Variants in NDUFS4 observed in about 807,000 individuals in gnomAD.
NDUFS4 encodes NADH:ubiquinone oxidoreductase subunit S4.
Under a neutral mutation model 24.3 loss-of-function variants are expected in NDUFS4, and 28 were observed. The observed-to-expected ratio is 1.15, with a 90% CI of 0.85 to 1.58. NDUFS4 has a LOEUF of 1.58. Among genes scored for constraint, NDUFS4 ranks in the 40% most tolerant of loss-of-function variants. The pLI, the probability that NDUFS4 is intolerant of heterozygous loss-of-function variation, is 0.00. For synonymous variants in NDUFS4, 93 were observed against 69.7 expected (o/e 1.34, Z -1.67); for missense variants, 223 against 207.9 (o/e 1.07, Z -0.45).
At chr5:53,571,255 G>A (rs2112414438) in intron 1 of NDUFS4, among the ~76,000 whole-genome samples, 1 of 152,126 alleles carries the variant, frequency 6.6e-6, no homozygotes, top group African/African-American at 2.4e-5. Context: ...CTACAGATTT[G>A]CCTATTCTGG....
chr5:53,572,327 A>T (rs1277953452), intron 1 of NDUFS4, among the ~76,000 whole-genome samples: 1 of 152,152 alleles, frequency 6.6e-6, no homozygotes, highest in East Asian at 1.9e-4. Context: ...TAGATTTTAT[A>T]ACCTACTTCA....
chr5:53,621,901 C>T (rs1478092587), intron 2 of NDUFS4, among the ~76,000 whole-genome samples: 5 of 151,612 alleles, frequency 3.3e-5, no homozygotes, highest in South Asian at 2.1e-4. Context: ...GGGGTTTCAC[C>T]GTGTTAGCCA....
At chr5:53,671,339 G>A (rs1740233126) in intron 4 of NDUFS4, among the ~76,000 whole-genome samples, 1 of 152,010 alleles carries the variant, frequency 6.6e-6, no homozygotes, top group African/African-American at 2.4e-5. Context: ...TGGAAGGCTG[G>A]TGTTCTGAAA....
intron 1 of NDUFS4, among the ~76,000 whole-genome samples, chr5:53,601,550 A>G (rs549098556): frequency 4.0e-4 from 61 of 152,314 alleles, no homozygotes; most frequent in African/African-American, 1.4e-3. Context: ...AATCTACCTA[A>G]TAATTTGCAC....
At chr5:53,578,140 A>T (rs757059539) in intron 1 of NDUFS4, among the ~76,000 whole-genome samples, 26 of 152,214 alleles carry the variant, frequency 1.7e-4, no homozygotes, top group Non-Finnish European at 1.5e-5. Flanking sequence ...TGGATACAAC[A>T]TGCATCTGAG....
At chr5:53,614,667 G>A (rs1750792579) in intron 2 of NDUFS4, among the ~76,000 whole-genome samples, 1 of 151,952 alleles carries the variant, frequency 6.6e-6, no homozygotes. Flanking sequence ...TAGACCTGTA[G>A]TATGCTAGTG....
chr5:53,681,014 A>G (rs1740647106), intron 4 of NDUFS4, among the ~76,000 whole-genome samples: 1 of 152,084 alleles, frequency 6.6e-6, no homozygotes. Context: ...CCTAGGTTAG[A>G]TTATAGCTAG....
chr5:53,616,111 G>T (rs1750830014), intron 2 of NDUFS4, among the ~76,000 whole-genome samples: 1 of 151,728 alleles, frequency 6.6e-6, no homozygotes, highest in African/African-American at 2.4e-5. Context: ...AGATCTAGTA[G>T]TTTTCATCTA....
intron 1 of NDUFS4, among the ~76,000 whole-genome samples, chr5:53,565,947 G>T (rs959281132): frequency 2.0e-5 from 3 of 152,182 alleles, no homozygotes; most frequent in Non-Finnish European, 4.4e-5. Context: ...GCCAAGGCGG[G>T]TGGATCATGA....
chr5:53,646,537 A>G, intron 3 of NDUFS4, 132 bp downstream of exon 3: 1 of 889,566 alleles, frequency 1.1e-6, no homozygotes, highest in Non-Finnish European at 1.8e-6. Context: ...GTTAAGTACC[A>G]CTGTGCTCAA....
intron 1 of NDUFS4, among the ~76,000 whole-genome samples, chr5:53,582,586 G>A (rs185949805): frequency 6.6e-6 from 1 of 152,310 alleles, no homozygotes; most frequent in African/African-American, 2.4e-5. Flanking sequence ...CCCTGGCCGG[G>A]AATTAATTTC....
At chr5:53,605,307 CTA>C (rs1453011578) in intron 2 of NDUFS4, among the ~76,000 whole-genome samples, 1 of 152,166 alleles carries the variant, frequency 6.6e-6, no homozygotes, top group African/African-American at 2.4e-5. Flanking sequence ...AATGAGAGCA[CTA>C]TTATTTTAAT....
In NDUFS4 at chr5:53,607,636, G is replaced by A. The variant is rs59561046; in HGVS notation, c.177+4106G>A. 7.3e-3 allele frequency among the ~76,000 whole-genome samples: 1,107 copies of A among 152,246 alleles called. 14 individuals carry two copies. The highest frequency in any genetic ancestry group is 0.025 in the African/African-American group (1,056 of 41,546). Reference sequence around the variant, plus strand: ...TGACCAGTGCATGATATAAAATCATGCATGGGTAAAAGTTTCCTTTAAAGT... The same window carrying A: ...TGACCAGTGCATGATATAAAATCATACATGGGTAAAAGTTTCCTTTAAAGT... On this transcript the variant is annotated intron_variant, in intron 2 of 4. Transcript: ENST00000296684.
Position 53,560,655 on chromosome 5 carries a change from G to GC in NDUFS4, c.-7dup, listed in dbSNP as rs776017684. ...CGTCCTTTCATCCTGGCGTTTGCCT[G>GC]CAGCAAGATGGCGGCGGTGTCAATG... On this transcript the variant is annotated 5_prime_UTR_variant, in exon 1 of 5. Coordinates refer to ENST00000296684, the MANE Select transcript of NDUFS4 (RefSeq NM_002495.4). 8 of 1,614,132 alleles carry GC rather than the reference G, an allele frequency of 5.0e-6. No homozygotes were observed. The African/African-American group carries it at 1.1e-4, about 22-fold the overall frequency.
chr5:53,676,107 T>A (rs938140192), intron 4 of NDUFS4, among the ~76,000 whole-genome samples: 1 of 152,224 alleles, frequency 6.6e-6, no homozygotes, highest in African/African-American at 2.4e-5. Flanking sequence ...GCAAATGTTA[T>A]AACCAGTTCA....
At chr5:53,645,209 G>T (rs2112506005) in intron 2 of NDUFS4, among the ~76,000 whole-genome samples, 1 of 152,154 alleles carries the variant, frequency 6.6e-6, no homozygotes, top group East Asian at 1.9e-4. Flanking sequence ...TCATTAATAA[G>T]CATATGGTTG....
intron 4 of NDUFS4, among the ~76,000 whole-genome samples, chr5:53,668,693 T>C (rs947986612): frequency 8.0e-5 from 12 of 149,550 alleles, no homozygotes; most frequent in Non-Finnish European, 1.6e-4. Flanking sequence ...ACTCCTGACC[T>C]CAGGTGATCC....
intron 1 of NDUFS4, among the ~76,000 whole-genome samples, chr5:53,574,425 G>T (rs1478410108): frequency 1.3e-5 from 2 of 152,140 alleles, no homozygotes; most frequent in Non-Finnish European, 2.9e-5. Context: ...CTTAGTTGTG[G>T]TGTTGAATTC....
chr5:53,655,656 T>C (rs745556794), intron 3 of NDUFS4, among the ~76,000 whole-genome samples: 3 of 152,182 alleles, frequency 2.0e-5, no homozygotes, highest in Non-Finnish European at 4.4e-5. Context: ...CTATTAATTA[T>C]CTGATCCCTT....
Sources: gnomAD v4.1 joint callset for allele counts (sites outside exome capture counted in the v4.1 genomes callset) on GRCh38, gnomAD v4.1.1 for gene constraint, MANE v1.5 for transcripts, NCBI Gene and HGNC (gene_info 2026-07-23, HGNC 2026-07-21) for gene names.